Variants in WSCD2 observed in about 807,000 individuals in gnomAD.
WSCD2 encodes sialate:O-sulfotransferase 2.
WSCD2 carries 28 observed loss-of-function variants against 55.7 expected under a neutral mutation model. That is an observed-to-expected ratio of 0.50 (90% confidence interval 0.37 to 0.69). WSCD2 has a LOEUF of 0.69. WSCD2 is among the 30% of genes least tolerant of loss of function. The pLI is 0.00. For missense variants in WSCD2, 616 were observed against 762.1 expected (o/e 0.81, Z 2.26); for synonymous variants, 301 against 301.9 (o/e 1.00, Z 0.03).
chr12:108,131,531 A>G (rs1248591860), intron 1 of WSCD2, among the ~76,000 whole-genome samples: 1 of 152,198 alleles, frequency 6.6e-6, no homozygotes, highest in African/African-American at 2.4e-5. Context: ...ACTAACTGAG[A>G]TGGTGCCTGG....
intron 2 of WSCD2, among the ~76,000 whole-genome samples, chr12:108,205,280 A>G (rs1198779899): frequency 6.6e-6 from 1 of 152,172 alleles, no homozygotes; most frequent in Non-Finnish European, 1.5e-5. Context: ...TGAGCAAGTG[A>G]CTTCTCCGGG....
intron 8 of WSCD2, chr12:108,244,615 G>T: frequency 1.4e-6 from 1 of 701,844 alleles, no homozygotes; most frequent in Non-Finnish European, 2.6e-6. Context: ...TTTGCAGATG[G>T]GTGCACTGAG....
At position 108,179,059 on chromosome 12, in the gene WSCD2, T is replaced by G. The variant is rs1881297646; in HGVS notation, c.-551-16223T>G. Among the ~76,000 whole-genome samples, 3 of 152,230 alleles carry G rather than the reference T, an allele frequency of 2.0e-5. No homozygotes were observed. The South Asian group carries it at 6.2e-4, about 31-fold the overall frequency. On this transcript the variant is annotated intron_variant, in intron 1 of 8. Coordinates refer to ENST00000547525, the MANE Select transcript of WSCD2 (RefSeq NM_014653.4). ...GCTGGCCTTTAAGTCAAGGTCCACC[T>G]GTCCCCTCACTGAGGATCAAACTCT...
At chr12:108,130,869 T>G (rs1875436675) in intron 1 of WSCD2, among the ~76,000 whole-genome samples, 1 of 152,102 alleles carries the variant, frequency 6.6e-6, no homozygotes, top group Non-Finnish European at 1.5e-5. Flanking sequence ...CTGAGCCCCA[T>G]GCACAGCTCA....
At chr12:108,193,767 C>T (rs966607885) in intron 1 of WSCD2, among the ~76,000 whole-genome samples, 3 of 152,050 alleles carry the variant, frequency 2.0e-5, no homozygotes, top group East Asian at 3.9e-4. Context: ...GGATGACAGA[C>T]GGATGGATAG....
In WSCD2 at chr12:108,232,196, C is replaced by G. The variant is rs140488706; in HGVS notation, c.980-535C>G. Reference sequence around the variant, plus strand: ...AGAACCCTGGACTGCATCCTATACTCAAAAGGCATAGATATTATTTTTCTC... The same window carrying G: ...AGAACCCTGGACTGCATCCTATACTGAAAAGGCATAGATATTATTTTTCTC... On this transcript the variant is annotated intron_variant, in intron 6 of 8. Transcript: ENST00000547525. Among the ~76,000 whole-genome samples the G allele has an allele frequency of 2.0e-5, 3 of 152,310 alleles. No homozygotes were observed. The East Asian group carries it at 5.8e-4, about 29-fold the overall frequency.
At chr12:108,203,641 T>G (rs1002106726) in intron 2 of WSCD2, among the ~76,000 whole-genome samples, 1 of 152,222 alleles carries the variant, frequency 6.6e-6, no homozygotes, top group Non-Finnish European at 1.5e-5. Flanking sequence ...CACTCCATGA[T>G]GGACACGCAA....
chr12:108,130,791 T>G (rs1875425546), intron 1 of WSCD2, among the ~76,000 whole-genome samples: 1 of 152,090 alleles, frequency 6.6e-6, no homozygotes, highest in African/African-American at 2.4e-5. Context: ...GAAAAGGGGC[T>G]GGAAGGGCCA....
intron 1 of WSCD2, among the ~76,000 whole-genome samples, chr12:108,130,222 C>T (rs1875341488): frequency 6.6e-6 from 1 of 152,250 alleles, no homozygotes; most frequent in Non-Finnish European, 1.5e-5. Flanking sequence ...TCAAGGGCTT[C>T]TCCCGCGGAG....
intron 1 of WSCD2, among the ~76,000 whole-genome samples, chr12:108,131,506 T>C (rs566874162): frequency 4.6e-5 from 7 of 152,326 alleles, no homozygotes; most frequent in African/African-American, 1.7e-4. Context: ...GTTCCTACTT[T>C]ACAGGGCTGA....
At chr12:108,201,502 T>C (rs1386841518) in intron 2 of WSCD2, among the ~76,000 whole-genome samples, 1 of 136,036 alleles carries the variant, frequency 7.4e-6, no homozygotes, top group Non-Finnish European at 1.6e-5. Flanking sequence ...CAACATGTCA[T>C]TTTGTTGGGG....
chr12:108,211,239 C>A (rs1278119556), intron 4 of WSCD2, among the ~76,000 whole-genome samples: 1 of 152,204 alleles, frequency 6.6e-6, no homozygotes, highest in East Asian at 1.9e-4. Context: ...GGGGTGCTGA[C>A]CTTTCTGGGG....
At chr12:108,151,707 C>A (rs79811807) in intron 1 of WSCD2, among the ~76,000 whole-genome samples, 2,465 of 152,288 alleles carry the variant, frequency 0.016, 77 homozygotes, top group African/African-American at 0.056. Context: ...TATTGATTAA[C>A]CACACACTCA....
chr12:108,243,444 A>G (rs1292665735), intron 8 of WSCD2, among the ~76,000 whole-genome samples: 1 of 152,134 alleles, frequency 6.6e-6, no homozygotes, highest in Non-Finnish European at 1.5e-5. Context: ...TCACCGTGTT[A>G]GCCAGGATGG....
intron 2 of WSCD2, among the ~76,000 whole-genome samples, chr12:108,200,122 G>A (rs1884470946): frequency 6.6e-6 from 1 of 152,178 alleles, no homozygotes; most frequent in South Asian, 2.1e-4. Context: ...GGCTGGGTGT[G>A]AAGGTGGCCA....
At chr12:108,224,493 C>T (rs1009129198) in intron 4 of WSCD2, among the ~76,000 whole-genome samples, 4 of 152,208 alleles carry the variant, frequency 2.6e-5, no homozygotes, top group Admixed American at 6.5e-5. Context: ...CTCATCTCAG[C>T]GACCTGGGTT....
intron 5 of WSCD2, among the ~76,000 whole-genome samples, chr12:108,226,730 C>T (rs1888134931): frequency 2.0e-5 from 3 of 152,170 alleles, no homozygotes; most frequent in Admixed American, 1.3e-4. Flanking sequence ...GGTAGCCATA[C>T]AAAGTATCCT....
chr12:108,220,710 T>C (rs1163218616), intron 4 of WSCD2, among the ~76,000 whole-genome samples: 5 of 151,974 alleles, frequency 3.3e-5, no homozygotes, highest in Non-Finnish European at 7.4e-5. Flanking sequence ...AAAATATATA[T>C]ATATATTTGT....
intron 1 of WSCD2, among the ~76,000 whole-genome samples, chr12:108,137,693 A>G (rs1876363562): frequency 6.6e-6 from 1 of 152,272 alleles, no homozygotes; most frequent in Non-Finnish European, 1.5e-5. Context: ...GCTGGCCCCA[A>G]GAAATAGTTA....
Sources: allele counts gnomAD v4.1 joint callset (sites outside exome capture counted in the v4.1 genomes callset), GRCh38; gene constraint gnomAD v4.1.1; transcripts MANE v1.5; gene names NCBI Gene and HGNC (gene_info 2026-07-23, HGNC 2026-07-21).